The following C10orf67 variants were observed in gnomAD, a reference collection of about 807,000 sequenced individuals.
C10orf67 encodes the protein chromosome 10 open reading frame 67.
A neutral mutation model predicts 35.6 loss-of-function variants in C10orf67; 60 were observed. The observed-to-expected ratio is 1.68, with a 90% CI of 1.37 to 2.09. The LOEUF (loss-of-function observed/expected upper bound fraction) is 2.09. Among genes scored for constraint, C10orf67 ranks in the 30% most tolerant of loss-of-function variants. C10orf67 has a pLI of 0.00. For synonymous variants in C10orf67, 167 were observed against 115.8 expected, an observed-to-expected ratio of 1.44 and a Z score of -2.84; for missense variants, 474 against 330.2, an observed-to-expected ratio of 1.44 and a Z score of -3.38.
intron 7 of C10orf67, among the ~76,000 whole-genome samples, chr10:23,289,165 T>G (rs1253466961): frequency 6.6e-6 from 1 of 152,116 alleles, no homozygotes; most frequent in Admixed American, 6.6e-5. Flanking sequence ...GTTGGTGGTG[T>G]GTGTGTATGT....
chr10:23,290,055 A>T (rs1843673605), intron 6 of C10orf67, 97 bp from the exon 7 acceptor site: 1 of 675,402 alleles, frequency 1.5e-6, no homozygotes, highest in Non-Finnish European at 2.7e-6. Context: ...GGGCACTAGC[A>T]GGCATAGTGG....
At chr10:23,301,656 T>C (rs1844080526) in intron 5 of C10orf67, among the ~76,000 whole-genome samples, 1 of 152,112 alleles carries the variant, frequency 6.6e-6, no homozygotes, top group Admixed American at 6.5e-5. Flanking sequence ...GCCTCACAGA[T>C]TCCAAGGAAT....
intron 15 of C10orf67, among the ~76,000 whole-genome samples, chr10:23,210,789 A>T (rs1430000056): frequency 6.6e-6 from 1 of 152,206 alleles, no homozygotes; most frequent in Non-Finnish European, 1.5e-5. Flanking sequence ...AGGCACATTT[A>T]TACACAAGCC....
chr10:23,275,068 T>C (rs1047543356), intron 8 of C10orf67, among the ~76,000 whole-genome samples: 1 of 152,188 alleles, frequency 6.6e-6, no homozygotes, highest in African/African-American at 2.4e-5. Context: ...CTATGTGATA[T>C]TAATTGCTCC....
chr10:23,249,418 G>A (rs1049392102), intron 12 of C10orf67, among the ~76,000 whole-genome samples: 11 of 152,126 alleles, frequency 7.2e-5, no homozygotes, highest in Admixed American at 7.2e-4. Flanking sequence ...GTGTTAATAT[G>A]CACATTTTAC....
chr10:23,240,064 G>A (rs538108820), intron 12 of C10orf67, among the ~76,000 whole-genome samples: 85 of 152,146 alleles, frequency 5.6e-4, no homozygotes, highest in Admixed American at 1.5e-3. Context: ...GGTGGTACAT[G>A]CCTGTAGTCC....
chr10:23,245,263 A>G (rs1199964209), intron 12 of C10orf67, among the ~76,000 whole-genome samples: 1 of 152,236 alleles, frequency 6.6e-6, no homozygotes, highest in Non-Finnish European at 1.5e-5. Context: ...TTCCTAGAAG[A>G]AAACATAGGA....
chr10:23,276,834 A>G (rs1843203695), intron 8 of C10orf67, among the ~76,000 whole-genome samples: 1 of 152,198 alleles, frequency 6.6e-6, no homozygotes, highest in Non-Finnish European at 1.5e-5. Flanking sequence ...GCTTATATTT[A>G]TGTAAATGTA....
At chr10:23,291,595 C>T (rs2037021939) in intron 5 of C10orf67, among the ~76,000 whole-genome samples, 1 of 152,150 alleles carries the variant, frequency 6.6e-6, no homozygotes, top group South Asian at 2.1e-4. Context: ...GGCCCCTCCA[C>T]CCACACTTCC....
chr10:23,252,565 A>G (rs890763071), intron 10 of C10orf67, among the ~76,000 whole-genome samples: 4 of 152,208 alleles, frequency 2.6e-5, no homozygotes, highest in Non-Finnish European at 5.9e-5. Flanking sequence ...GCTAAAGTAG[A>G]GAAGGCAGAC....
chr10:23,259,825 C>A (rs1014462302), intron 10 of C10orf67, among the ~76,000 whole-genome samples: 1 of 151,914 alleles, frequency 6.6e-6, no homozygotes, highest in Admixed American at 6.6e-5. Context: ...AAAAAGTAAT[C>A]AGTGAATTTG....
intron 15 of C10orf67, among the ~76,000 whole-genome samples, chr10:23,214,222 G>T (rs759583661): frequency 6.1e-4 from 92 of 152,036 alleles, no homozygotes; most frequent in Non-Finnish European, 9.1e-4. Context: ...GTCATAGAGA[G>T]ATATTTTTAT....
chr10:23,324,750 C>T (rs1219059782), intron 2 of C10orf67, among the ~76,000 whole-genome samples: 1 of 152,140 alleles, frequency 6.6e-6, no homozygotes, highest in Admixed American at 6.5e-5. Context: ...TCTCTTCATT[C>T]CCTGACCTTC....
chr10:23,295,014 G>A (rs957894734), intron 5 of C10orf67, among the ~76,000 whole-genome samples: 6 of 152,006 alleles, frequency 3.9e-5, no homozygotes, highest in South Asian at 2.1e-4. Context: ...ATGGTGACAC[G>A]TATGCTTTCC....
chr10:23,315,414 G>A (rs373490728), intron 4 of C10orf67, among the ~76,000 whole-genome samples: 2 of 152,128 alleles, frequency 1.3e-5, no homozygotes, highest in African/African-American at 4.8e-5. Flanking sequence ...AGAACTATAA[G>A]AGCATGTGTT....
intron 4 of C10orf67, among the ~76,000 whole-genome samples, chr10:23,316,294 C>T (rs902140737): frequency 6.6e-6 from 1 of 152,176 alleles, no homozygotes; most frequent in African/African-American, 2.4e-5. Context: ...CCAGGTATAC[C>T]ACAAGTGGCT....
chr10:23,326,354 C>T (rs1845191672), intron 2 of C10orf67, among the ~76,000 whole-genome samples: 1 of 152,112 alleles, frequency 6.6e-6, no homozygotes, highest in Non-Finnish European at 1.5e-5. Flanking sequence ...TTTTCTTAGA[C>T]ACTATTAAAG....
Position 23,322,460 on chromosome 10 carries a change from C to G in C10orf67, c.405G>C (p.Glu135Asp), listed in dbSNP as rs751223219. 7 of 1,609,892 alleles carry G rather than the reference C, an allele frequency of 4.3e-6. No homozygotes were observed. The East Asian group carries it at 1.6e-4, about 36-fold the overall frequency. The change falls in exon 3 of 16, where the codon GAG becomes GAC. Residue 135 changes from glutamate (E) to aspartate (D), a missense_variant. Coordinates refer to ENST00000636213, the MANE Select transcript of C10orf67 (RefSeq NM_001371909.1). ...LQLKFEDRLK[E>D]ESLSLFTILH... is the part of the protein sequence containing the mutation. ...GAATGGTGAAGAGACTCAAAGATTCCTCTTTCAGTCGGTCCTCAAACTTCA... is the reference window on the plus strand; with the variant it reads ...GAATGGTGAAGAGACTCAAAGATTCGTCTTTCAGTCGGTCCTCAAACTTCA...
intron 5 of C10orf67, 60 bp from the exon 6 acceptor site, chr10:23,291,339 C>T: frequency 1.5e-6 from 1 of 675,764 alleles, no homozygotes; most frequent in South Asian, 1.7e-5. Context: ...ATATGCAAGA[C>T]AAGGACAATA....
Sources: allele counts gnomAD v4.1 joint callset (sites outside exome capture counted in the v4.1 genomes callset), GRCh38; gene constraint gnomAD v4.1.1; transcripts MANE v1.5; gene names NCBI Gene and HGNC (gene_info 2026-07-23, HGNC 2026-07-21).